BEND2: variants seen among roughly 807,000 people sequenced by gnomAD.
BEND2 encodes BEN domain-containing protein 2.
In BEND2, 19 loss-of-function variants were observed where a neutral mutation model predicts 43.8. The observed-to-expected ratio is 0.43, with a 90% CI of 0.30 to 0.64. The LOEUF is 0.64. Ranked by LOEUF, BEND2 falls within the 30% of genes least tolerant of loss-of-function variation. BEND2 has a pLI of 0.11. For synonymous variants in BEND2, 226 were observed against 210.1 expected (o/e 1.08, Z -0.66); for missense variants, 544 against 574.0 (o/e 0.95, Z 0.53).
intron 8 of BEND2, among the ~76,000 whole-genome samples, chrX:18,183,501 C>CA (rs1924465566): frequency 8.9e-6 from 1 of 112,422 alleles, no homozygotes; most frequent in Non-Finnish European, 1.9e-5. Context: ...ACTATCTACA[C>CA]AAAAAAGCAC....
chrX:18,171,256 T>G lies in BEND2; in HGVS notation c.1982-52A>C, dbSNP rs186531715. ...TTTTCATAGCAAATGTTAGATTGCATTATTTTTTAAAAGCTGAAACAGAAA... is the reference window on the plus strand; with the variant it reads ...TTTTCATAGCAAATGTTAGATTGCAGTATTTTTTAAAAGCTGAAACAGAAA... On this transcript the variant is annotated intron_variant, in intron 12 of 13. Coordinates refer to ENST00000380033, the MANE Select transcript of BEND2 (RefSeq NM_153346.5). 1.7e-3 allele frequency: 1,885 copies of G among 1,113,572 alleles called. 6 individuals carry two copies. Among genetic ancestry groups the G allele is most frequent in the Non-Finnish European group, 1.4e-3 (1,127 of 820,609 alleles). 91.8% of individuals were successfully genotyped at this position (1,113,572 alleles called of 1,213,427 possible).
At chrX:18,220,501 G>A (rs928334950) in intron 1 of BEND2, among the ~76,000 whole-genome samples, 1 of 111,474 alleles carries the variant, frequency 9.0e-6, no homozygotes, top group African/African-American at 3.3e-5. Context: ...CCCCTGAGAC[G>A]ACCTGAACCC....
At chrX:18,206,830 C>G (rs1925349187) in intron 4 of BEND2, among the ~76,000 whole-genome samples, 2 of 111,690 alleles carry the variant, frequency 1.8e-5, no homozygotes, top group Non-Finnish European at 3.8e-5. Context: ...AGGGCGTCCT[C>G]CTCTGCTCCC....
In BEND2 at chrX:18,163,598, C is replaced by A. The variant is rs1432059540; in HGVS notation, c.*1411G>T. 2 of 111,790 alleles carry A rather than the reference C, an allele frequency of 1.8e-5. No homozygotes were observed. Among genetic ancestry groups the A allele is most frequent in the Admixed American group, 9.5e-5 (1 of 10,503 alleles). The allele number at this position is 111,790 out of a possible 1,213,427, so 9.2% of individuals were successfully genotyped here. On this transcript the variant is annotated 3_prime_UTR_variant, in exon 14 of 14. Transcript: ENST00000380033. ...AAAACCACTAATGTAATAAAGTTAG[C>A]AATAGAAGTCTTGAAATTTTTTTCT...
chrX:18,184,416 A>C (rs1039346760), intron 8 of BEND2, among the ~76,000 whole-genome samples: 1 of 112,100 alleles, frequency 8.9e-6, no homozygotes, highest in Non-Finnish European at 1.9e-5. Flanking sequence ...CGGGAGGTGG[A>C]GATTGCAGTG....
At chrX:18,218,673 G>A (rs1925748102) in intron 1 of BEND2, among the ~76,000 whole-genome samples, 1 of 112,064 alleles carries the variant, frequency 8.9e-6, no homozygotes, top group Admixed American at 9.4e-5. Context: ...GACCAGCCTG[G>A]CCAACACAGT....
In BEND2 at chrX:18,165,163, G is replaced by A. The variant is rs774047430; in HGVS notation, c.2246C>T (p.Ser749Leu). 2.2e-5 allele frequency: 27 copies of A among 1,207,963 alleles called. 1 individual carries two copies. The highest frequency in any genetic ancestry group is 2.8e-4 in the Middle Eastern group (1 of 3,634). ...DLSENGRDWK[S>L]CVTSINSGIR... ...ACCGCTGTTGATGGAGGTCACACACGACTTCCAGTCTCTTCCATTTTCCGA... is the reference window on the plus strand; with the variant it reads ...ACCGCTGTTGATGGAGGTCACACACAACTTCCAGTCTCTTCCATTTTCCGA... Residue 749 changes from serine (S) to leucine (L), a missense_variant, in exon 14 of 14, where the codon TCG becomes TTG. By Grantham distance (145) the Ser-to-Leu change is moderately radical (BLOSUM62 -2). Around this residue, in one of 2 missense-constraint regions of BEND2, gnomAD observed 43 missense variants for 72.4 expected, o/e 0.59. Transcript: ENST00000380033.
chrX:18,179,991 A>C (rs1487073766), intron 9 of BEND2, among the ~76,000 whole-genome samples: 1 of 112,455 alleles, frequency 8.9e-6, no homozygotes, highest in African/African-American at 3.2e-5. Context: ...AGCCTGGCCA[A>C]AATGGCCAAA....
At chrX:18,194,466 T>C (rs1483246479) in intron 7 of BEND2, among the ~76,000 whole-genome samples, 2 of 108,221 alleles carry the variant, frequency 1.8e-5, no homozygotes, top group African/African-American at 6.7e-5. Flanking sequence ...TATTCATCAA[T>C]AGAAAGAAAG....
chrX:18,209,338 G>A (rs1008747583), intron 4 of BEND2, among the ~76,000 whole-genome samples: 1 of 111,480 alleles, frequency 9.0e-6, no homozygotes, highest in Non-Finnish European at 1.9e-5. Flanking sequence ...TCCATGCATG[G>A]ATACTAACTT....
intron 4 of BEND2, among the ~76,000 whole-genome samples, chrX:18,208,360 G>A (rs1204720072): frequency 4.5e-5 from 5 of 109,927 alleles, no homozygotes; most frequent in Non-Finnish European, 7.6e-5. Flanking sequence ...GGTGGCACGT[G>A]CCTGTAGTCC....
At chrX:18,190,041 C>A (rs1249056066) in intron 8 of BEND2, among the ~76,000 whole-genome samples, 1 of 97,696 alleles carries the variant, frequency 1.0e-5, no homozygotes, top group African/African-American at 4.0e-5. Context: ...CAGACCGAGA[C>A]TCTATCTCAA....
intron 6 of BEND2, among the ~76,000 whole-genome samples, chrX:18,197,080 A>G (rs1924977437): frequency 8.9e-6 from 1 of 112,456 alleles, no homozygotes; most frequent in African/African-American, 3.2e-5. Context: ...AGAAAAGGGT[A>G]AAGCATAAAG....
chrX:18,218,667 A>G (rs964890494), intron 1 of BEND2, among the ~76,000 whole-genome samples: 1 of 112,212 alleles, frequency 8.9e-6, no homozygotes, highest in African/African-American at 3.2e-5. Context: ...GTTCGAGACC[A>G]GCCTGGCCAA....
At chrX:18,171,240 C>A in intron 12 of BEND2, 36 bp from the exon 13 acceptor site, 1 of 1,154,423 alleles carries the variant, frequency 8.7e-7, no homozygotes, top group Non-Finnish European at 1.2e-6. Context: ...ATTTTCATAG[C>A]AAATGTTAGA....
rs966518847 is a variant in BEND2, at chrX:18,186,787, G to A, written c.1288+4214C>T. 7.2e-4 allele frequency among the ~76,000 whole-genome samples: 79 copies of A among 109,080 alleles called. No homozygotes were observed. The Admixed American group carries it at 7.5e-3, about 10-fold the overall frequency. The allele number at this position is 109,080 out of a possible 115,157, so 94.7% of individuals were successfully genotyped here. On this transcript the variant is annotated intron_variant, in intron 8 of 13. Coordinates refer to ENST00000380033, the MANE Select transcript of BEND2 (RefSeq NM_153346.5). ...AAAAGTTCAGCCTAGGAAACATGGCGAAACCCTATCACTACAAAAAATACA... is the reference window on the plus strand; with the variant it reads ...AAAAGTTCAGCCTAGGAAACATGGCAAAACCCTATCACTACAAAAAATACA...
At position 18,163,483 on chromosome X, in the gene BEND2, G is replaced by A. The variant is rs1428564340; in HGVS notation, c.*1526C>T. The A allele has an allele frequency of 6.3e-5, 7 of 111,704 alleles. No homozygotes were observed. The highest frequency in any genetic ancestry group is 1.6e-4 in the African/African-American group (5 of 30,813). 9.2% of individuals were successfully genotyped at this position (111,704 alleles called of 1,213,427 possible). On this transcript the variant is annotated 3_prime_UTR_variant, in exon 14 of 14. Coordinates refer to ENST00000380033, the MANE Select transcript of BEND2 (RefSeq NM_153346.5). The stretch of plus-strand genomic sequence containing the variant: ...TAGCCATACGAGCCTATTGGACATT[G>A]CAAATTTATATTTTTAATGTGGTAT...
At chrX:18,207,879 T>G (rs1460516634) in intron 4 of BEND2, among the ~76,000 whole-genome samples, 1 of 110,454 alleles carries the variant, frequency 9.1e-6, no homozygotes, top group Non-Finnish European at 1.9e-5. Flanking sequence ...AGTAGCCGGG[T>G]GTGGTGGCGC....
At chrX:18,219,391 C>T (rs1192763794) in intron 1 of BEND2, among the ~76,000 whole-genome samples, 1 of 112,897 alleles carries the variant, frequency 8.9e-6, no homozygotes, top group Non-Finnish European at 1.9e-5. Flanking sequence ...GCCTCCCCCA[C>T]TCCAAAGGGA....
Sources: gnomAD v4.1 joint callset for allele counts (sites outside exome capture counted in the v4.1 genomes callset) on GRCh38, gnomAD v4.1.1 for gene constraint, gnomAD v4.1.1 regional missense constraint, MANE v1.5 for transcripts, NCBI Gene and HGNC (gene_info 2026-07-23, HGNC 2026-07-21) for gene names.